ANKFN1: variants seen among roughly 807,000 people sequenced by gnomAD.
The protein encoded by ANKFN1 is ankyrin repeat and fibronectin type-III domain-containing protein 1.
A neutral mutation model predicts 108.7 loss-of-function variants in ANKFN1; 74 were observed. That is an observed-to-expected ratio of 0.68 (90% confidence interval 0.56 to 0.83). ANKFN1 has a LOEUF of 0.83. Ranked by LOEUF, ANKFN1 falls within the 40% of genes least tolerant of loss-of-function variation. ANKFN1 has a pLI of 0.00. For synonymous variants in ANKFN1, 547 were observed against 516.2 expected (o/e 1.06, Z -0.81); for missense variants, 1,505 against 1,382.3 (o/e 1.09, Z -1.41).
At chr17:56,250,979 T>C (rs1016988526) in intron 3 of ANKFN1, among the ~76,000 whole-genome samples, 3 of 151,574 alleles carry the variant, frequency 2.0e-5, no homozygotes, top group East Asian at 1.9e-4. Context: ...ATTTTTTTTT[T>C]CCCAAAGAAA....
chr17:56,384,702 G>A (rs952561906), intron 8 of ANKFN1, among the ~76,000 whole-genome samples: 1 of 152,096 alleles, frequency 6.6e-6, no homozygotes, highest in African/African-American at 2.4e-5. Context: ...CAAATCATGA[G>A]TGAACTCCCA....
At chr17:56,057,603 T>A (rs1904901769) in intron 4 of ANKFN1, among the ~76,000 whole-genome samples, 1 of 152,082 alleles carries the variant, frequency 6.6e-6, no homozygotes, top group Non-Finnish European at 1.5e-5. Flanking sequence ...CTGGCCAACA[T>A]GGTCAAAACC....
At chr17:56,456,401 CTTTTTT>C (rs397713657) in intron 11 of ANKFN1, among the ~76,000 whole-genome samples, 59 of 115,482 alleles carry the variant, frequency 5.1e-4, no homozygotes, top group South Asian at 3.6e-3. Context: ...CTTTTTTTCT[CTTTTTT>C]TTTTTTTTTT....
At chr17:56,383,541 G>T (rs921859150) in intron 8 of ANKFN1, among the ~76,000 whole-genome samples, 3 of 152,128 alleles carry the variant, frequency 2.0e-5, no homozygotes, top group Non-Finnish European at 4.4e-5. Context: ...GAATCCAGGA[G>T]CTGGTTTTTT....
intron 1 of ANKFN1, among the ~76,000 whole-genome samples, chr17:56,211,806 A>C (rs562810738): frequency 3.9e-4 from 59 of 151,926 alleles, no homozygotes; most frequent in African/African-American, 1.4e-3. Flanking sequence ...TTCCCTGTAG[A>C]GGTATTTCAC....
chr17:56,418,313 G>A (rs2048300506), intron 8 of ANKFN1, among the ~76,000 whole-genome samples: 1 of 152,118 alleles, frequency 6.6e-6, no homozygotes, highest in Admixed American at 6.6e-5. Flanking sequence ...TTGGCCTTAT[G>A]GATCTTTTGC....
At chr17:56,220,463 C>T (rs972396768) in intron 2 of ANKFN1, among the ~76,000 whole-genome samples, 7 of 151,870 alleles carry the variant, frequency 4.6e-5, no homozygotes, top group African/African-American at 1.5e-4. Context: ...TCAAGACCAG[C>T]CTGGGTAACA....
intron 10 of ANKFN1, among the ~76,000 whole-genome samples, chr17:56,445,811 C>T (rs570833833): frequency 2.0e-5 from 3 of 152,264 alleles, no homozygotes; most frequent in Admixed American, 6.5e-5. Context: ...AGGACCCAGA[C>T]AGGCTTGTCT....
intron 4 of ANKFN1, among the ~76,000 whole-genome samples, chr17:56,065,046 C>G (rs1567780377): frequency 6.6e-6 from 1 of 152,168 alleles, no homozygotes; most frequent in Non-Finnish European, 1.5e-5. Flanking sequence ...CAGCAGCTGC[C>G]TAGTCAGTTC....
At chr17:56,414,485 A>G (rs2048183475) in intron 8 of ANKFN1, among the ~76,000 whole-genome samples, 1 of 152,232 alleles carries the variant, frequency 6.6e-6, no homozygotes, top group Non-Finnish European at 1.5e-5. Context: ...ATACTGGTGT[A>G]AAAATCCTCA....
intron 19 of ANKFN1, among the ~76,000 whole-genome samples, chr17:56,494,032 A>G (rs1302559297): frequency 1.3e-5 from 2 of 152,214 alleles, no homozygotes; most frequent in African/African-American, 4.8e-5. Context: ...CCTGGCACAT[A>G]GTAAGTATGT....
intron 1 of ANKFN1, among the ~76,000 whole-genome samples, chr17:56,195,974 A>C (rs977731324): frequency 6.6e-6 from 1 of 152,238 alleles, no homozygotes; most frequent in Non-Finnish European, 1.5e-5. Flanking sequence ...AAGAGAAAAG[A>C]TGATATCAAG....
At chr17:56,174,347 T>C in intron 1 of ANKFN1, 1 of 985,576 alleles carries the variant, frequency 1.0e-6, no homozygotes, top group Non-Finnish European at 1.2e-6. Flanking sequence ...CTACCAAGTG[T>C]GCAAAGCAGC....
At chr17:56,353,204 C>G (rs937405786) in intron 5 of ANKFN1, among the ~76,000 whole-genome samples, 5 of 151,572 alleles carry the variant, frequency 3.3e-5, no homozygotes, top group African/African-American at 1.2e-4. Context: ...TTGATTTGAC[C>G]ACATGCTATT....
At chr17:56,386,972 A>G (rs2047295329) in intron 8 of ANKFN1, among the ~76,000 whole-genome samples, 1 of 152,146 alleles carries the variant, frequency 6.6e-6, no homozygotes, top group Admixed American at 6.5e-5. Context: ...GATTACTGAT[A>G]CAGTGTTGTT....
intron 8 of ANKFN1, among the ~76,000 whole-genome samples, chr17:56,383,921 A>C (rs889215655): frequency 3.3e-5 from 5 of 152,186 alleles, no homozygotes; most frequent in South Asian, 2.1e-4. Context: ...TGGTACCATT[A>C]CTTCTCAAAC....
chr17:56,381,576 C>T (rs2047106287), intron 8 of ANKFN1, among the ~76,000 whole-genome samples: 1 of 152,116 alleles, frequency 6.6e-6, no homozygotes, highest in Admixed American at 6.5e-5. Flanking sequence ...ATAACCAATA[C>T]AGGGAATTGC....
At chr17:56,141,058 A>G (rs969887087) in intron 4 of ANKFN1, among the ~76,000 whole-genome samples, 4 of 152,142 alleles carry the variant, frequency 2.6e-5, no homozygotes, top group African/African-American at 7.2e-5. Flanking sequence ...ATGTGCACCC[A>G]GATTCTCTAA....
rs188128454 is a variant in ANKFN1, at chr17:56,158,983, G to A, written c.-71+5453G>A. Among the ~76,000 whole-genome samples, 264 of 124,794 alleles carry A rather than the reference G, an allele frequency of 2.1e-3. 1 individual carries two copies. In the South Asian group the frequency reaches 0.024, roughly 11 times the overall value. 81.9% of individuals were successfully genotyped at this position (124,794 alleles called of 152,430 possible). ...GTTGCCCCATTAACAAGATTCCCTA[G>A]CATTCTTATTGATAGAAAATATTTA... On this transcript the variant is annotated intron_variant, in intron 1 of 20. Transcript: ENST00000682825.
Sources: allele counts gnomAD v4.1 joint callset (sites outside exome capture counted in the v4.1 genomes callset), GRCh38; gene constraint gnomAD v4.1.1; transcripts MANE v1.5; gene names NCBI Gene and HGNC (gene_info 2026-07-23, HGNC 2026-07-21).